EDA: variants seen among roughly 807,000 people sequenced by gnomAD.
EDA encodes ectodysplasin A, also known as ectodysplasin-A.
EDA carries 2 observed loss-of-function variants against 23.6 expected under a neutral mutation model. The ratio of observed to expected loss-of-function variants is 0.08; its 90% CI spans 0.03 to 0.27. The LOEUF (loss-of-function observed/expected upper bound fraction) is 0.27, where lower values mean the gene tolerates loss of function less well. Ranked by LOEUF, EDA falls within the 10% of genes least tolerant of loss-of-function variation. The probability of loss-of-function intolerance (pLI) is 1.00; values close to 1 mark genes in which losing one functional copy is unlikely to be tolerated. For missense variants in EDA, 229 were observed against 324.2 expected (o/e 0.71, Z 2.26); for synonymous variants, 131 against 132.0 (o/e 0.99, Z 0.05).
At chrX:69,817,119 A>G (rs142273611) in intron 1 of EDA, among the ~76,000 whole-genome samples, 131 of 111,942 alleles carry the variant, frequency 1.2e-3, no homozygotes, top group African/African-American at 4.0e-3. Context: ...CAGCCAAAAT[A>G]AGCTTCATAA....
At chrX:69,734,252 A>G (rs944690489) in intron 1 of EDA, among the ~76,000 whole-genome samples, 3 of 111,140 alleles carry the variant, frequency 2.7e-5, no homozygotes, top group African/African-American at 9.8e-5. Context: ...TTCTCTTATT[A>G]TCTTTTAAAT....
At chrX:69,790,987 A>G (rs1736268497) in intron 1 of EDA, among the ~76,000 whole-genome samples, 1 of 111,851 alleles carries the variant, frequency 8.9e-6, no homozygotes, top group Admixed American at 9.5e-5. Context: ...TTGCCTTTTA[A>G]AGGGCATATA....
intron 1 of EDA, among the ~76,000 whole-genome samples, chrX:69,867,917 T>A (rs1306363152): frequency 8.9e-6 from 1 of 111,777 alleles, no homozygotes; most frequent in African/African-American, 3.3e-5. Flanking sequence ...TGACCCACTT[T>A]ATGGCTAGAT....
chrX:69,660,877 G>A (rs1933474682), intron 1 of EDA, among the ~76,000 whole-genome samples: 1 of 111,198 alleles, frequency 9.0e-6, no homozygotes, highest in Admixed American at 9.6e-5. Flanking sequence ...GGGATGGCTG[G>A]GTCAAATGGT....
intron 1 of EDA, among the ~76,000 whole-genome samples, chrX:69,932,502 G>T (rs1219840082): frequency 9.0e-6 from 1 of 111,245 alleles, no homozygotes; most frequent in African/African-American, 3.3e-5. Context: ...ATAGAGACGG[G>T]CTATTCTTTA....
intron 2 of EDA, among the ~76,000 whole-genome samples, chrX:70,008,400 C>T (rs2019830490): frequency 8.9e-6 from 1 of 112,308 alleles, no homozygotes; most frequent in Admixed American, 9.4e-5. Context: ...GATCTATTGA[C>T]ATGATCATAT....
chrX:69,777,144 T>TGTTGTTGTTG (rs2014809399), intron 1 of EDA, among the ~76,000 whole-genome samples: 16 of 106,794 alleles, frequency 1.5e-4, no homozygotes, highest in Non-Finnish European at 2.3e-4. Flanking sequence ...GATTCTGGGT[T>TGTTGTTGTTG]TTGTTGTTGT....
At chrX:69,747,382 G>A (rs993239152) in intron 1 of EDA, among the ~76,000 whole-genome samples, 1 of 112,596 alleles carries the variant, frequency 8.9e-6, no homozygotes, top group South Asian at 3.6e-4. Flanking sequence ...GGAACCAAGG[G>A]AAAGTATGAG....
At chrX:69,836,580 G>A (rs1267305910) in intron 1 of EDA, among the ~76,000 whole-genome samples, 2 of 112,315 alleles carry the variant, frequency 1.8e-5, no homozygotes, top group Admixed American at 9.4e-5. Flanking sequence ...CAGTTGCTAA[G>A]ACCTTGAGAA....
At chrX:69,920,592 G>T (rs1417178448) in intron 1 of EDA, among the ~76,000 whole-genome samples, 1 of 111,180 alleles carries the variant, frequency 9.0e-6, no homozygotes, top group African/African-American at 3.3e-5. Context: ...ACTAGAATGG[G>T]GTTATGGGCT....
At chrX:69,698,843 A>G (rs1038424397) in intron 1 of EDA, among the ~76,000 whole-genome samples, 2 of 111,189 alleles carry the variant, frequency 1.8e-5, no homozygotes, top group African/African-American at 6.6e-5. Flanking sequence ...TCAGGCTGTT[A>G]TCAGATTGGA....
At chrX:69,822,158 G>A (rs751737037) in intron 1 of EDA, among the ~76,000 whole-genome samples, 1 of 110,577 alleles carries the variant, frequency 9.0e-6, no homozygotes, top group Admixed American at 9.7e-5. Context: ...GGTGGTGCAC[G>A]CCTGTAGTCC....
intron 1 of EDA, among the ~76,000 whole-genome samples, chrX:69,893,609 T>C (rs1174516075): frequency 8.9e-6 from 1 of 112,655 alleles, no homozygotes; most frequent in Non-Finnish European, 1.9e-5. Context: ...AAATATGGAA[T>C]AAACATAAAG....
chrX:69,848,039 C>G (rs1284533397), intron 1 of EDA, among the ~76,000 whole-genome samples: 1 of 111,708 alleles, frequency 9.0e-6, no homozygotes, highest in Non-Finnish European at 1.9e-5. Flanking sequence ...TTTAGCCATT[C>G]TAATAGGTGT....
At chrX:69,807,284 A>T (rs2015836874) in intron 1 of EDA, among the ~76,000 whole-genome samples, 1 of 107,073 alleles carries the variant, frequency 9.3e-6, no homozygotes, top group Non-Finnish European at 1.9e-5. Context: ...TATAAAAGAT[A>T]CTGCTAAATA....
At chrX:69,972,747 C>T (rs939846021) in intron 2 of EDA, among the ~76,000 whole-genome samples, 3 of 111,458 alleles carry the variant, frequency 2.7e-5, no homozygotes, top group Non-Finnish European at 5.7e-5. Context: ...ATTTGAAAAA[C>T]CAATTTTTAA....
At chrX:69,798,311 A>G (rs1222555952) in intron 1 of EDA, among the ~76,000 whole-genome samples, 1 of 111,840 alleles carries the variant, frequency 8.9e-6, no homozygotes, top group Non-Finnish European at 1.9e-5. Context: ...TCTAGACCAA[A>G]TGGACCTAAC....
At chrX:69,991,499 C>T (rs1356808259) in intron 2 of EDA, among the ~76,000 whole-genome samples, 1 of 111,141 alleles carries the variant, frequency 9.0e-6, no homozygotes, top group Non-Finnish European at 1.9e-5. Context: ...TCCAGTTTCA[C>T]TACTAGAAGG....
chrX:69,865,543 G>A (rs991176305), intron 1 of EDA, among the ~76,000 whole-genome samples: 7 of 111,347 alleles, frequency 6.3e-5, no homozygotes, highest in South Asian at 7.6e-4. Flanking sequence ...TGATTAGATC[G>A]TGCCCACCAG....
Sources: allele counts gnomAD v4.1 joint callset (sites outside exome capture counted in the v4.1 genomes callset), GRCh38; gene constraint gnomAD v4.1.1; transcripts MANE v1.5; gene names NCBI Gene and HGNC (gene_info 2026-07-23, HGNC 2026-07-21).